AGBL4: variants seen among roughly 807,000 people sequenced by gnomAD.
The protein encoded by AGBL4 is AGBL carboxypeptidase 4.
In AGBL4, 58 loss-of-function variants were observed where a neutral mutation model predicts 66.4. The observed-to-expected ratio is 0.87, with a 90% confidence interval of 0.71 to 1.09. The LOEUF is 1.09. Ranked by LOEUF, AGBL4 falls within the 50% of genes least tolerant of loss-of-function variation. AGBL4 has a pLI of 0.00. For missense variants in AGBL4, 579 were observed against 631.0 expected (o/e 0.92, Z 0.88); for synonymous variants, 234 against 222.9 (o/e 1.05, Z -0.44).
intron 4 of AGBL4, among the ~76,000 whole-genome samples, chr1:49,222,617 G>T (rs918240424): frequency 2.6e-5 from 4 of 151,962 alleles, no homozygotes; most frequent in Non-Finnish European, 4.4e-5. Flanking sequence ...TGTTTTTTCT[G>T]GTTTCCCTAG....
chr1:49,244,316 A>T (rs1402084784), intron 4 of AGBL4, among the ~76,000 whole-genome samples: 2 of 151,796 alleles, frequency 1.3e-5, no homozygotes, highest in South Asian at 2.1e-4. Context: ...CAGAGAAATG[A>T]TTTCTATTAT....
chr1:49,283,726 A>G (rs1644336510), intron 3 of AGBL4, among the ~76,000 whole-genome samples: 2 of 150,684 alleles, frequency 1.3e-5, no homozygotes, highest in South Asian at 4.3e-4. Flanking sequence ...AAGAATGCAG[A>G]AGCCTCAGGA....
At chr1:49,484,391 T>A (rs868827978) in intron 3 of AGBL4, among the ~76,000 whole-genome samples, 2 of 152,214 alleles carry the variant, frequency 1.3e-5, no homozygotes, top group Middle Eastern at 3.4e-3. Context: ...ATGTGGTACA[T>A]ATACACAATG....
intron 3 of AGBL4, among the ~76,000 whole-genome samples, chr1:49,356,755 T>C (rs561982478): frequency 2.0e-5 from 3 of 152,330 alleles, no homozygotes; most frequent in Admixed American, 6.5e-5. Flanking sequence ...GCTGTGGTTC[T>C]CAATGTAGGC....
chr1:49,698,324 A>G (rs918533150), intron 2 of AGBL4, among the ~76,000 whole-genome samples: 3 of 152,146 alleles, frequency 2.0e-5, no homozygotes, highest in Admixed American at 1.3e-4. Flanking sequence ...ACTACTACGA[A>G]CACTAGTTGA....
At chr1:49,118,955 T>G (rs540109880) in intron 4 of AGBL4, among the ~76,000 whole-genome samples, 1 of 152,336 alleles carries the variant, frequency 6.6e-6, no homozygotes, top group Non-Finnish European at 1.5e-5. Context: ...AATTTATCCA[T>G]TTCTTCTAGA....
At chr1:48,834,409 A>C (rs944900563) in intron 6 of AGBL4, among the ~76,000 whole-genome samples, 3 of 152,044 alleles carry the variant, frequency 2.0e-5, no homozygotes, top group African/African-American at 7.2e-5. Context: ...TTGTGGTCTG[A>C]ATGTTTGTGT....
At chr1:48,738,099 G>A (rs1649347208) in intron 6 of AGBL4, among the ~76,000 whole-genome samples, 1 of 152,178 alleles carries the variant, frequency 6.6e-6, no homozygotes, top group South Asian at 2.1e-4. Context: ...ACTGGAGCTT[G>A]GCTTGGGAAG....
In AGBL4 at chr1:49,245,838, G is replaced by T; in HGVS notation, c.309C>A (p.Phe103Leu). The T allele has an allele frequency of 6.5e-7, 1 of 1,549,394 alleles. No individual in the cohort carries two copies. Among genetic ancestry groups the T allele is most frequent in the East Asian group, 2.4e-5 (1 of 40,862 alleles). Residue 103 changes from phenylalanine to leucine, a missense_variant, in exon 4 of 14, where the codon TTC (phenylalanine) becomes TTA (leucine). By Grantham distance (22) the Phe-to-Leu change is conservative. Coordinates refer to ENST00000371839, the MANE Select transcript of AGBL4 (RefSeq NM_032785.4). ...SQRVIFNIVNFSKTKSLYRDG... is the reference protein window; with the variant it reads ...SQRVIFNIVNLSKTKSLYRDG... The stretch of plus-strand genomic sequence containing the variant: ...CTCTATAGAGACTCTTGGTTTTACT[G>T]AAGTTAACAATGTTGAAAATGACCC...
intron 4 of AGBL4, among the ~76,000 whole-genome samples, chr1:49,148,792 T>C (rs1168762747): frequency 6.6e-6 from 1 of 152,190 alleles, no homozygotes; most frequent in Non-Finnish European, 1.5e-5. Context: ...GTTCCCCAGA[T>C]GTAGAGACAA....
At chr1:49,340,628 AG>A (rs1557853733) in intron 3 of AGBL4, among the ~76,000 whole-genome samples, 1 of 152,192 alleles carries the variant, frequency 6.6e-6, no homozygotes, top group Admixed American at 6.5e-5. Context: ...TAAGGGCACT[AG>A]AGTAATCTTA....
chr1:49,990,354 T>C (rs1240840364), intron 1 of AGBL4, among the ~76,000 whole-genome samples: 2 of 152,174 alleles, frequency 1.3e-5, no homozygotes, highest in South Asian at 2.1e-4. Flanking sequence ...GTTCTCATAA[T>C]AGTGAGTGAG....
chr1:49,658,466 T>C (rs566636030), intron 3 of AGBL4, among the ~76,000 whole-genome samples: 82 of 152,346 alleles, frequency 5.4e-4, no homozygotes, highest in African/African-American at 1.9e-3. Context: ...CTCAGGGATC[T>C]AGAACTAGAA....
intron 3 of AGBL4, among the ~76,000 whole-genome samples, chr1:49,495,148 G>A (rs577737659): frequency 7.9e-5 from 12 of 152,118 alleles, no homozygotes; most frequent in Admixed American, 2.6e-4. Context: ...GTACACTAAC[G>A]TCTAATTATA....
At chr1:49,642,871 A>G (rs1407724620) in intron 3 of AGBL4, among the ~76,000 whole-genome samples, 1 of 152,020 alleles carries the variant, frequency 6.6e-6, no homozygotes, top group African/African-American at 2.4e-5. Flanking sequence ...GCTCAAAAAT[A>G]CATATATAAA....
intron 8 of AGBL4, among the ~76,000 whole-genome samples, chr1:48,641,973 C>G (rs535764328): frequency 6.6e-6 from 1 of 152,044 alleles, no homozygotes; most frequent in Non-Finnish European, 1.5e-5. Context: ...TTTACGCAAA[C>G]TGACGAAAGG....
At chr1:48,759,558 C>G (rs1233822668) in intron 6 of AGBL4, among the ~76,000 whole-genome samples, 2 of 152,248 alleles carry the variant, frequency 1.3e-5, no homozygotes, top group African/African-American at 2.4e-5. Context: ...CTTTTCACCA[C>G]TCTGCCTCCT....
At chr1:49,465,206 TACATACAC>T (rs1186847339) in intron 3 of AGBL4, among the ~76,000 whole-genome samples, 14 of 69,074 alleles carry the variant, frequency 2.0e-4, no homozygotes, top group Admixed American at 1.3e-3. Flanking sequence ...ACCCTACCCC[TACATACAC>T]ACACACACAC....
intron 2 of AGBL4, among the ~76,000 whole-genome samples, chr1:49,801,373 A>G (rs956091386): frequency 1.2e-4 from 18 of 152,268 alleles, no homozygotes; most frequent in Non-Finnish European, 1.6e-4. Flanking sequence ...CAACACCTCA[A>G]TTGCAACTTG....
Sources: allele counts gnomAD v4.1 joint callset (sites outside exome capture counted in the v4.1 genomes callset), GRCh38; gene constraint gnomAD v4.1.1; transcripts MANE v1.5; gene names NCBI Gene and HGNC (gene_info 2026-07-23, HGNC 2026-07-21).